Variants in GAREM1 observed in about 807,000 individuals in gnomAD.
GAREM1 encodes the protein GRB2 associated regulator of MAPK1 subtype 1.
GAREM1 carries 26 observed loss-of-function variants against 71.3 expected under a neutral mutation model. The observed-to-expected ratio is 0.36, with a 90% CI of 0.27 to 0.51. The LOEUF (loss-of-function observed/expected upper bound fraction) is 0.51. GAREM1 is among the 20% of genes least tolerant of loss of function. The pLI, the probability that GAREM1 is intolerant of heterozygous loss-of-function variation, is 0.95. For missense variants in GAREM1, 1,026 were observed against 1,103.1 expected (o/e 0.93, Z 0.99); for synonymous variants, 440 against 433.2 (o/e 1.02, Z -0.20).
At chr18:32,364,097 C>A (rs539494710) in intron 2 of GAREM1, among the ~76,000 whole-genome samples, 1 of 130,872 alleles carries the variant, frequency 7.6e-6, no homozygotes, top group Admixed American at 8.4e-5. Flanking sequence ...TGCAGTGGTG[C>A]GATCTCAGCT....
chr18:32,412,201 C>G, intron 1 of GAREM1: 1 of 1,562,870 alleles, frequency 6.4e-7, no homozygotes, highest in Non-Finnish European at 8.7e-7. Context: ...TCCTGCTAAG[C>G]TTTGTTTCCT....
At chr18:32,318,639 T>C (rs1467312143) in intron 2 of GAREM1, among the ~76,000 whole-genome samples, 1 of 152,218 alleles carries the variant, frequency 6.6e-6, no homozygotes, top group Non-Finnish European at 1.5e-5. Flanking sequence ...TGCCTCACTG[T>C]TCGCCATCAC....
At chr18:32,284,213 T>C (rs1007428115) in intron 4 of GAREM1, among the ~76,000 whole-genome samples, 4 of 152,216 alleles carry the variant, frequency 2.6e-5, no homozygotes, top group Non-Finnish European at 5.9e-5. Flanking sequence ...TATGACTTCA[T>C]TTGAAATGCC....
intron 1 of GAREM1, among the ~76,000 whole-genome samples, chr18:32,464,657 C>T (rs1284426436): frequency 1.3e-5 from 2 of 152,200 alleles, no homozygotes; most frequent in Non-Finnish European, 2.9e-5. Context: ...AAACGAAACA[C>T]ACTCAAGTCA....
chr18:32,337,183 G>A (rs2047604409), intron 2 of GAREM1, among the ~76,000 whole-genome samples: 1 of 152,174 alleles, frequency 6.6e-6, no homozygotes, highest in African/African-American at 2.4e-5. Context: ...TCAATTCCTG[G>A]AAAATATTTA....
At chr18:32,269,876 G>C (rs2041432038) in intron 5 of GAREM1, among the ~76,000 whole-genome samples, 1 of 152,072 alleles carries the variant, frequency 6.6e-6, no homozygotes, top group Non-Finnish European at 1.5e-5. Context: ...TCTGCTTGAA[G>C]GTGCTGTCTG....
At chr18:32,363,961 C>T (rs1598991027) in intron 2 of GAREM1, among the ~76,000 whole-genome samples, 1 of 113,920 alleles carries the variant, frequency 8.8e-6, no homozygotes, top group African/African-American at 3.1e-5. Flanking sequence ...ATTATAAATA[C>T]ATATACATAC....
In GAREM1 at chr18:32,305,528, G is replaced by A. The variant is rs2047245258; in HGVS notation, c.393+4665C>T. 3.3e-5 allele frequency among the ~76,000 whole-genome samples: 5 copies of A among 151,898 alleles called. No individual in the cohort carries two copies. The South Asian group carries it at 1.0e-3, about 32-fold the overall frequency. Reference sequence around the variant, plus strand: ...CCAGTAGGGATTCTTCTTTTTTGTTGTTGTTTTTTGAGATGGAGTCTCATT... The same window carrying A: ...CCAGTAGGGATTCTTCTTTTTTGTTATTGTTTTTTGAGATGGAGTCTCATT... On this transcript the variant is annotated intron_variant, in intron 3 of 5. Transcript: ENST00000269209.
chr18:32,440,999 C>A (rs1252099036), intron 1 of GAREM1, among the ~76,000 whole-genome samples: 2 of 152,084 alleles, frequency 1.3e-5, no homozygotes, highest in South Asian at 2.1e-4. Context: ...TTTATGACAT[C>A]TTTTTCTTTC....
chr18:32,372,317 T>C (rs2047988865), intron 2 of GAREM1, among the ~76,000 whole-genome samples: 1 of 152,220 alleles, frequency 6.6e-6, no homozygotes, highest in African/African-American at 2.4e-5. Flanking sequence ...AAAGGAAGTG[T>C]AGTTTCTCTT....
intron 1 of GAREM1, among the ~76,000 whole-genome samples, chr18:32,449,381 G>A (rs2144289476): frequency 6.6e-6 from 1 of 152,162 alleles, no homozygotes; most frequent in East Asian, 1.9e-4. Flanking sequence ...TCATAGTAAA[G>A]TGTTATTAAA....
At chr18:32,335,969 T>C (rs1159912733) in intron 2 of GAREM1, among the ~76,000 whole-genome samples, 1 of 152,206 alleles carries the variant, frequency 6.6e-6, no homozygotes, top group Non-Finnish European at 1.5e-5. Flanking sequence ...CAGCGAACGC[T>C]GACACTACCA....
chr18:32,412,305 C>T, intron 1 of GAREM1: 1 of 1,591,894 alleles, frequency 6.3e-7, no homozygotes, highest in Non-Finnish European at 8.5e-7. Flanking sequence ...CTGGCCTCCA[C>T]CGCCATAGGG....
chr18:32,403,460 G>A (rs980281605), intron 1 of GAREM1, among the ~76,000 whole-genome samples: 6 of 152,042 alleles, frequency 3.9e-5, no homozygotes, highest in African/African-American at 4.8e-5. Flanking sequence ...TCACTTACAC[G>A]AGCCCTCTGC....
At chr18:32,297,649 T>G (rs1384809108) in intron 3 of GAREM1, among the ~76,000 whole-genome samples, 1 of 152,104 alleles carries the variant, frequency 6.6e-6, no homozygotes, top group African/African-American at 2.4e-5. Flanking sequence ...AGAATAAAAC[T>G]TAATGCCAGA....
intron 2 of GAREM1, among the ~76,000 whole-genome samples, chr18:32,370,309 T>C (rs11661767): frequency 0.034 from 5,097 of 151,216 alleles, 133 homozygotes; most frequent in East Asian, 0.11. Flanking sequence ...ACACCTGTAG[T>C]CCCAGCTACC....
intron 1 of GAREM1, among the ~76,000 whole-genome samples, chr18:32,436,522 C>CCT (rs1223480836): frequency 6.6e-6 from 1 of 152,086 alleles, no homozygotes; most frequent in Non-Finnish European, 1.5e-5. Flanking sequence ...AGAAGCCAGC[C>CCT]CTCTGTCTGT....
At chr18:32,398,130 C>A (rs935588805) in intron 1 of GAREM1, among the ~76,000 whole-genome samples, 3 of 152,260 alleles carry the variant, frequency 2.0e-5, no homozygotes, top group East Asian at 1.9e-4. Context: ...AACAAAGACA[C>A]AACATACCAG....
rs2144408566 is a variant in GAREM1, at chr18:32,268,048, C to A, written c.2454G>T (p.Lys818Asn). Reference protein sequence around the residue: ...LSGLSIEEVSKSLRFIGLSED... With the variant: ...LSGLSIEEVSNSLRFIGLSED... The stretch of plus-strand genomic sequence containing the variant: ...CGGACAAACCAATGAACCGTAGTGA[C>A]TTGGACACTTCCTCTATAGAGAGTC... The change falls in exon 6 of 6, where the codon AAG (lysine) becomes AAT (asparagine). Residue 818 changes from lysine (K) to asparagine (N), a missense_variant. Coordinates refer to ENST00000269209, the MANE Select transcript of GAREM1 (RefSeq NM_001242409.2). 4 of 1,614,140 alleles carry A rather than the reference C, an allele frequency of 2.5e-6. No homozygotes were observed. The highest frequency in any genetic ancestry group is 1.3e-5 in the African/African-American group (1 of 75,042).
Sources: allele counts gnomAD v4.1 joint callset (sites outside exome capture counted in the v4.1 genomes callset), GRCh38; gene constraint gnomAD v4.1.1; transcripts MANE v1.5; gene names NCBI Gene and HGNC (gene_info 2026-07-23, HGNC 2026-07-21).